The following GRID2 variants were observed in gnomAD, a reference collection of about 807,000 sequenced individuals.
GRID2 encodes the protein glutamate receptor ionotropic, delta-2.
Under a neutral mutation model 114.8 loss-of-function variants are expected in GRID2, and 33 were observed. The observed-to-expected ratio is 0.29, with a 90% CI of 0.22 to 0.38. The LOEUF (loss-of-function observed/expected upper bound fraction) is 0.38. Among genes scored for constraint, GRID2 ranks in the 10% least tolerant of loss-of-function variants. The pLI, the probability that GRID2 is intolerant of heterozygous loss-of-function variation, is 1.00. For synonymous variants in GRID2, 505 were observed against 449.9 expected (o/e 1.12, Z -1.55); for missense variants, 1,184 against 1,257.7 (o/e 0.94, Z 0.89).
chr4:92,407,007 G>A (rs1025943424), intron 1 of GRID2, among the ~76,000 whole-genome samples: 2 of 152,002 alleles, frequency 1.3e-5, no homozygotes, highest in African/African-American at 4.8e-5. Flanking sequence ...CATGGTTGGG[G>A]AGGCCACCAG....
chr4:93,304,519 A>G (rs540616262), intron 8 of GRID2, among the ~76,000 whole-genome samples: 17 of 152,124 alleles, frequency 1.1e-4, no homozygotes, highest in African/African-American at 4.1e-4. Context: ...TTGATGTTCA[A>G]TAAGAATGAA....
intron 11 of GRID2, among the ~76,000 whole-genome samples, chr4:93,458,124 G>A (rs1165718431): frequency 6.6e-6 from 1 of 152,162 alleles, no homozygotes; most frequent in Non-Finnish European, 1.5e-5. Flanking sequence ...ATGGATAGAG[G>A]AGCACTCAGT....
intron 2 of GRID2, among the ~76,000 whole-genome samples, chr4:92,986,894 T>C (rs900946985): frequency 2.0e-5 from 3 of 152,174 alleles, no homozygotes; most frequent in Non-Finnish European, 2.9e-5. Flanking sequence ...TGTGGACAGC[T>C]TGGTGAGTTG....
chr4:92,953,185 G>T (rs1027404705), intron 2 of GRID2, among the ~76,000 whole-genome samples: 5 of 152,178 alleles, frequency 3.3e-5, no homozygotes, highest in Non-Finnish European at 7.4e-5. Context: ...CATTCAGAGG[G>T]ACTGGGAGTT....
rs186425329 is a variant in GRID2 at position 92,489,125 on chromosome 4, A to G, written c.89-101006A>G. ...CTCCCTATGAGTAAACTAAATATGAAATAAATATGGTTGCCCCTTCTACTG... is the reference window on the plus strand; with the variant it reads ...CTCCCTATGAGTAAACTAAATATGAGATAAATATGGTTGCCCCTTCTACTG... On this transcript the variant is annotated intron_variant, in intron 1 of 15. Transcript: ENST00000282020. Among the ~76,000 whole-genome samples, 982 of 152,308 alleles carry G rather than the reference A, an allele frequency of 6.4e-3. 9 individuals carry two copies. The highest frequency in any genetic ancestry group is 0.022 in the African/African-American group (899 of 41,576).
intron 8 of GRID2, among the ~76,000 whole-genome samples, chr4:93,344,415 C>CAA (rs1436921140): frequency 4.8e-4 from 72 of 151,534 alleles, no homozygotes; most frequent in African/African-American, 1.7e-3. Flanking sequence ...GCTTCTTTTT[C>CAA]TTTTTTCCCC....
intron 2 of GRID2, among the ~76,000 whole-genome samples, chr4:92,878,661 A>G (rs1745793012): frequency 1.3e-5 from 2 of 152,152 alleles, no homozygotes; most frequent in African/African-American, 4.8e-5. Flanking sequence ...ATACTGAATC[A>G]CACTTTTTTC....
chr4:93,088,920 A>G (rs1321025714), intron 3 of GRID2, among the ~76,000 whole-genome samples: 3 of 152,144 alleles, frequency 2.0e-5, no homozygotes, highest in African/African-American at 7.2e-5. Flanking sequence ...GGGTTGCAAT[A>G]AACTATCACC....
At chr4:92,360,874 G>A (rs1350798270) in intron 1 of GRID2, among the ~76,000 whole-genome samples, 1 of 151,858 alleles carries the variant, frequency 6.6e-6, no homozygotes, top group Non-Finnish European at 1.5e-5. Context: ...TATATCAACT[G>A]TAAGTCTTCA....
intron 2 of GRID2, among the ~76,000 whole-genome samples, chr4:92,715,066 T>A (rs1036285383): frequency 1.3e-5 from 2 of 152,222 alleles, no homozygotes; most frequent in African/African-American, 4.8e-5. Context: ...CTTTCCCTTA[T>A]GACATTGAAT....
At chr4:93,634,007 C>T (rs1456129338) in intron 14 of GRID2, among the ~76,000 whole-genome samples, 1 of 152,116 alleles carries the variant, frequency 6.6e-6, no homozygotes, top group Non-Finnish European at 1.5e-5. Flanking sequence ...CAGAAAGGTA[C>T]ATAAAACCAG....
intron 11 of GRID2, among the ~76,000 whole-genome samples, chr4:93,457,194 G>C (rs761094251): frequency 6.6e-6 from 1 of 152,120 alleles, no homozygotes; most frequent in Non-Finnish European, 1.5e-5. Flanking sequence ...AGCATAGACT[G>C]TTAGGAGATC....
chr4:92,607,215 G>A (rs1423921647), intron 2 of GRID2, among the ~76,000 whole-genome samples: 2 of 151,858 alleles, frequency 1.3e-5, no homozygotes, highest in East Asian at 3.9e-4. Flanking sequence ...AGGCATAAGT[G>A]GGTGAAGGAA....
intron 8 of GRID2, among the ~76,000 whole-genome samples, chr4:93,346,399 A>G (rs544906756): frequency 3.4e-4 from 52 of 152,306 alleles, no homozygotes; most frequent in Admixed American, 2.7e-3. Context: ...CTCCCTCTTC[A>G]GCACAATACT....
intron 2 of GRID2, among the ~76,000 whole-genome samples, chr4:93,073,596 CTA>C (rs1356119083): frequency 2.0e-5 from 3 of 152,176 alleles, no homozygotes; most frequent in South Asian, 4.1e-4. Flanking sequence ...CAAGGGTTGA[CTA>C]TGTTTTTCCC....
At chr4:93,809,919 AAGGTCAAAGGCACTG>A in exon 2 of GRID2, 1 of 152,292 alleles carries the variant, frequency 6.6e-6, no homozygotes, top group Non-Finnish European at 1.5e-5. Context: ...CCCGCCACCC[AAGGTCAAAGGCACTG>A]AGCCAAAGGA....
intron 14 of GRID2, among the ~76,000 whole-genome samples, chr4:93,728,970 C>A (rs937570926): frequency 2.6e-5 from 4 of 152,100 alleles, no homozygotes; most frequent in African/African-American, 9.7e-5. Flanking sequence ...TTAATTGGAG[C>A]ATTTAGCCCA....
intron 10 of GRID2, among the ~76,000 whole-genome samples, chr4:93,443,770 C>A (rs569105715): frequency 6.7e-6 from 1 of 150,230 alleles, no homozygotes; most frequent in South Asian, 2.1e-4. Context: ...AAGTCAATGA[C>A]AAAATGGGAG....
rs369636224 is a variant in GRID2 at position 93,288,347 on chromosome 4, C to G, written c.1245+49857C>G. On this transcript the variant is annotated intron_variant, in intron 8 of 15. Transcript: ENST00000282020. ...TTAAACCATGGACTTGAGCCAAATCCAAATAGAGCATTTCTATTCACACAA... is the reference window on the plus strand; with the variant it reads ...TTAAACCATGGACTTGAGCCAAATCGAAATAGAGCATTTCTATTCACACAA... 1.6e-4 allele frequency among the ~76,000 whole-genome samples: 25 copies of G among 152,182 alleles called. No homozygotes were observed. The East Asian group carries it at 4.6e-3, about 28-fold the overall frequency.
Sources: gnomAD v4.1 joint callset for allele counts (sites outside exome capture counted in the v4.1 genomes callset) on GRCh38, gnomAD v4.1.1 for gene constraint, MANE v1.5 for transcripts, NCBI Gene and HGNC (gene_info 2026-07-23, HGNC 2026-07-21) for gene names.